Variants in MAGI3 observed in about 807,000 individuals in gnomAD.
MAGI3 encodes membrane-associated guanylate kinase, WW and PDZ domain-containing protein 3.
A neutral mutation model predicts 121.8 loss-of-function variants in MAGI3; 43 were observed. That is an observed-to-expected ratio of 0.35 (90% CI 0.28 to 0.46). The LOEUF is 0.46. MAGI3 is among the 20% of genes least tolerant of loss of function. The pLI, the probability that MAGI3 is intolerant of heterozygous loss-of-function variation, is 1.00. For synonymous variants in MAGI3, 553 were observed against 639.3 expected (o/e 0.86, Z 2.04); for missense variants, 1,547 against 1,797.3 (o/e 0.86, Z 2.52).
chr1:113,516,390 C>CAA (rs60186333), intron 1 of MAGI3, among the ~76,000 whole-genome samples: 1,184 of 70,242 alleles, frequency 0.017, 12 homozygotes, highest in East Asian at 0.042. Context: ...GAAGTTCTCA[C>CAA]AAAAAAAAAA....
intron 6 of MAGI3, among the ~76,000 whole-genome samples, chr1:113,602,815 G>A (rs1373440135): frequency 1.3e-5 from 2 of 152,140 alleles, no homozygotes; most frequent in Non-Finnish European, 2.9e-5. Context: ...GGTCCCAGCT[G>A]CTCCAGAGGC....
chr1:113,516,506 C>CA (rs563915017), intron 1 of MAGI3, among the ~76,000 whole-genome samples: 119 of 148,874 alleles, frequency 8.0e-4, no homozygotes, highest in African/African-American at 2.1e-3. Flanking sequence ...ATAATTTATG[C>CA]AAAAAAAATA....
intron 15 of MAGI3, among the ~76,000 whole-genome samples, chr1:113,657,621 G>A (rs2100994810): frequency 6.6e-6 from 1 of 152,302 alleles, no homozygotes; most frequent in Non-Finnish European, 1.5e-5. Context: ...CTTTTGTAAG[G>A]AGAATAACTG....
chr1:113,481,905 C>T (rs1026817539), intron 1 of MAGI3, among the ~76,000 whole-genome samples: 2 of 151,956 alleles, frequency 1.3e-5, no homozygotes, highest in African/African-American at 4.8e-5. Context: ...GGGGAAAACT[C>T]ATTTCCCTGC....
At chr1:113,423,258 T>TG (rs1250807906) in intron 1 of MAGI3, among the ~76,000 whole-genome samples, 15 of 136,086 alleles carry the variant, frequency 1.1e-4, no homozygotes, top group African/African-American at 2.6e-4. Flanking sequence ...TTTTTTTTTT[T>TG]TGGGGGGGGG....
At chr1:113,633,985 A>G (rs1651832153) in intron 9 of MAGI3, among the ~76,000 whole-genome samples, 1 of 151,576 alleles carries the variant, frequency 6.6e-6, no homozygotes, top group African/African-American at 2.4e-5. Context: ...TCTGATGGCC[A>G]GTGATGGTGA....
chr1:113,528,393 G>A (rs115756237), intron 1 of MAGI3, among the ~76,000 whole-genome samples: 1,529 of 145,740 alleles, frequency 0.01, 29 homozygotes, highest in African/African-American at 0.036. Flanking sequence ...CATTTGTCTT[G>A]TTCATCTATC....
chr1:113,528,095 C>T (rs927929183), intron 1 of MAGI3, among the ~76,000 whole-genome samples: 1 of 152,132 alleles, frequency 6.6e-6, no homozygotes, highest in Non-Finnish European at 1.5e-5. Context: ...ACACCACTAT[C>T]ACATCTAAGA....
At chr1:113,529,710 A>G (rs1239634149) in intron 1 of MAGI3, among the ~76,000 whole-genome samples, 3 of 152,152 alleles carry the variant, frequency 2.0e-5, no homozygotes, top group African/African-American at 7.2e-5. Context: ...TTTAATATAT[A>G]TCTCTCCTAT....
chr1:113,661,500 A>C (rs767955939), intron 16 of MAGI3, among the ~76,000 whole-genome samples: 26 of 152,220 alleles, frequency 1.7e-4, no homozygotes, highest in Non-Finnish European at 2.9e-4. Context: ...TCGTCTATGA[A>C]CCACACTTTG....
At chr1:113,601,942 A>T (rs1175110880) in intron 6 of MAGI3, among the ~76,000 whole-genome samples, 1 of 151,392 alleles carries the variant, frequency 6.6e-6, no homozygotes, top group African/African-American at 2.4e-5. Flanking sequence ...TGAAATTGGA[A>T]ATCATCATTC....
At chr1:113,590,451 CT>C in intron 4 of MAGI3, 32 bp from the exon 5 acceptor site, 3 of 1,607,278 alleles carry the variant, frequency 1.9e-6, no homozygotes, top group South Asian at 1.1e-5. Flanking sequence ...ACTTTACCCA[CT>C]TTTCACACCT....
intron 1 of MAGI3, among the ~76,000 whole-genome samples, chr1:113,464,172 G>A (rs1557770731): frequency 6.6e-6 from 1 of 151,694 alleles, no homozygotes; most frequent in Non-Finnish European, 1.5e-5. Context: ...ATACTTCCTG[G>A]CCTCTGTTAA....
intron 1 of MAGI3, among the ~76,000 whole-genome samples, chr1:113,442,027 T>A (rs769799746): frequency 1.8e-4 from 28 of 152,164 alleles, no homozygotes; most frequent in Non-Finnish European, 2.8e-4. Context: ...ATTTTAAAAA[T>A]TTTCTTCCAG....
chr1:113,456,426 G>C (rs1654762837), intron 1 of MAGI3, among the ~76,000 whole-genome samples: 1 of 152,030 alleles, frequency 6.6e-6, no homozygotes, highest in South Asian at 2.1e-4. Flanking sequence ...TATACATATA[G>C]AAAGCTATCC....
At chr1:113,576,837 T>C (rs1384635873) in intron 2 of MAGI3, 2 of 152,208 alleles carry the variant, frequency 1.3e-5, no homozygotes, top group Non-Finnish European at 2.9e-5. Context: ...TTGTGGATGA[T>C]ATATCCGGAG....
chr1:113,682,804 A>G, intron 20 of MAGI3, 93 bp from the exon 21 acceptor site: 1 of 1,455,798 alleles, frequency 6.9e-7, no homozygotes, highest in Admixed American at 2.9e-5. Context: ...TTAAGCAGTT[A>G]CGACAATTCA....
At chr1:113,627,752 C>A (rs1303610994) in intron 9 of MAGI3, among the ~76,000 whole-genome samples, 1 of 151,592 alleles carries the variant, frequency 6.6e-6, no homozygotes, top group African/African-American at 2.4e-5. Context: ...GCTGAATTGA[C>A]CCCTTTATTA....
chr1:113,664,940 CTG>C (rs1200572281), intron 16 of MAGI3, among the ~76,000 whole-genome samples: 4 of 152,118 alleles, frequency 2.6e-5, no homozygotes, highest in Non-Finnish European at 5.9e-5. Flanking sequence ...TTTCTGCCAT[CTG>C]TATGTTCTTT....
Sources: gnomAD v4.1 joint callset for allele counts (sites outside exome capture counted in the v4.1 genomes callset) on GRCh38, gnomAD v4.1.1 for gene constraint, MANE v1.5 for transcripts, NCBI Gene and HGNC (gene_info 2026-07-23, HGNC 2026-07-21) for gene names.